C2CD2: variants seen among roughly 807,000 people sequenced by gnomAD.
C2CD2 encodes the protein C2 domain-containing protein 2.
Under a neutral mutation model 74.3 loss-of-function variants are expected in C2CD2, and 43 were observed. The observed-to-expected ratio is 0.58, with a 90% CI of 0.45 to 0.75. The LOEUF (loss-of-function observed/expected upper bound fraction) is 0.75, where lower values mean the gene tolerates loss of function less well. Among genes scored for constraint, C2CD2 ranks in the 30% least tolerant of loss-of-function variants. The pLI, the probability that C2CD2 is intolerant of heterozygous loss-of-function variation, is 0.00. For synonymous variants in C2CD2, 422 were observed against 390.7 expected, an observed-to-expected ratio of 1.08 and a Z score of -0.94; for missense variants, 801 against 916.3, an observed-to-expected ratio of 0.87 and a Z score of 1.63.
chr21:41,919,119 CGCATGTGTGCATATGA>C, intron 3 of C2CD2, 159 bp from the exon 4 acceptor site: 1 of 632,308 alleles, frequency 1.6e-6, no homozygotes, highest in Non-Finnish European at 2.8e-6. Context: ...TGCGTGTATG[CGCATGTGTGCATATGA>C]GCATGTGTGC....
At chr21:41,911,332 T>C (rs2065023091) in intron 7 of C2CD2, among the ~76,000 whole-genome samples, 1 of 152,130 alleles carries the variant, frequency 6.6e-6, no homozygotes, top group Admixed American at 6.5e-5. Context: ...TAATATTTTA[T>C]TTATGATTCT....
At chr21:41,940,624 T>C (rs971144306) in intron 2 of C2CD2, among the ~76,000 whole-genome samples, 2 of 152,230 alleles carry the variant, frequency 1.3e-5, no homozygotes, top group African/African-American at 4.8e-5. Flanking sequence ...AGCCCAACTT[T>C]ACAAGAACAG....
chr21:41,889,464 ACTT>A, intron 13 of C2CD2, 120 bp from the exon 14 acceptor site: 1 of 680,482 alleles, frequency 1.5e-6, no homozygotes, highest in South Asian at 1.7e-5. Flanking sequence ...CCAGTTTACT[ACTT>A]CAATATGCTG....
At chr21:41,946,072 G>A (rs1292749359) in intron 1 of C2CD2, among the ~76,000 whole-genome samples, 4 of 152,146 alleles carry the variant, frequency 2.6e-5, no homozygotes, top group East Asian at 1.9e-4. Context: ...TCTGTCTTGC[G>A]GGAGAGTTCC....
Position 41,921,973 on chromosome 21 carries a change from T to C in C2CD2, c.491A>G (p.Gln164Arg), listed in dbSNP as rs779972855. The change falls in exon 3 of 14, where the codon CAG becomes CGG. Residue 164 changes from glutamine (Q) to arginine (R), a missense_variant and splice_region_variant. By Grantham distance (43) the Gln-to-Arg change is conservative. Transcript: ENST00000380486. ...YDMRLSPFHLQLEFHMKEKRE... is the reference protein window; with the variant it reads ...YDMRLSPFHLRLEFHMKEKRE... ...CTTGCAAAGTCTACACATCTTTACC[T>C]GTAAATGGAAAGGGGAGAGCCGCAT... The C allele has an allele frequency of 6.2e-7, 1 of 1,602,854 alleles. No homozygotes were observed. The highest frequency in any genetic ancestry group is 8.5e-7 in the Non-Finnish European group (1 of 1,169,854).
chr21:41,894,736 A>G (rs1320333817), intron 13 of C2CD2: 5 of 456,680 alleles, frequency 1.1e-5, no homozygotes, highest in African/African-American at 1.0e-4. Context: ...CCCTTTCTCA[A>G]TAGCAATGGG....
chr21:41,946,924 G>A (rs2065402336), intron 1 of C2CD2, among the ~76,000 whole-genome samples: 2 of 152,110 alleles, frequency 1.3e-5, no homozygotes, highest in South Asian at 4.1e-4. Context: ...AAGAAAGACT[G>A]AGAAACCCTG....
chr21:41,922,147 G>A (rs1000373769), intron 2 of C2CD2, 62 bp from the exon 3 acceptor site: 16 of 922,288 alleles, frequency 1.7e-5, no homozygotes, highest in East Asian at 4.9e-5. Context: ...GCGTGCATAC[G>A]CATCTTCTTC....
intron 7 of C2CD2, among the ~76,000 whole-genome samples, chr21:41,910,530 C>T (rs548300175): frequency 3.7e-4 from 56 of 152,198 alleles, no homozygotes; most frequent in Middle Eastern, 3.4e-3. Context: ...GAAAGATGAC[C>T]TCTCCCTTTT....
At position 41,895,976 on chromosome 21, in the gene C2CD2, C is replaced by T. The variant is rs2839414; in HGVS notation, c.1870+3077G>A. On this transcript the variant is annotated intron_variant, in intron 13 of 13. Coordinates refer to ENST00000380486, the MANE Select transcript of C2CD2 (RefSeq NM_015500.2). This position sits in a 1 kb window ranked among gnomAD's most constrained non-coding sequence, Gnocchi z 5.0. ...CAGCTTCTTCCTGTGGGTGTCACAG[C>T]GAGGTCGCCTGGCCACATCAGGTAC... Among the ~76,000 whole-genome samples, 20,935 of 152,226 alleles carry T rather than the reference C, an allele frequency of 0.14. 1,826 individuals are homozygous for T. The highest frequency in any genetic ancestry group is 0.25 in the East Asian group (1,283 of 5,182).
At chr21:41,909,573 C>A (rs2065003192) in intron 7 of C2CD2, 50 bp from the exon 8 acceptor site, 1 of 1,206,438 alleles carries the variant, frequency 8.3e-7, no homozygotes, top group East Asian at 2.3e-5. Flanking sequence ...ATGCTTGATT[C>A]TTTTTATGAA....
intron 2 of C2CD2, among the ~76,000 whole-genome samples, chr21:41,931,501 C>T (rs1310762175): frequency 1.4e-5 from 2 of 147,448 alleles, no homozygotes. Flanking sequence ...CGGCTCACTG[C>T]AACCTCTGCT....
At position 41,918,164 on chromosome 21, in the gene C2CD2, C is replaced by A. The variant is rs755232467; in HGVS notation, c.661G>T (p.Gly221Cys). Residue 221 changes from glycine to cysteine, a missense_variant, in exon 5 of 14, where the codon GGT becomes TGT. By Grantham distance (159) the Gly-to-Cys change is radical. Transcript: ENST00000380486. ...VLKDILKHLA[G>C]SASPSVVLIT... ...AGAACCACTGATGGAGAGGCAGAAC[C>A]AGCCAAATGCTTCAAGATGTCCTTG... 1.2e-6 allele frequency: 2 copies of A among 1,614,140 alleles called. No homozygotes were observed. The highest frequency in any genetic ancestry group is 1.7e-6 in the Non-Finnish European group (2 of 1,179,984).
In C2CD2 at chr21:41,899,234, G is replaced by A. The variant is rs116743178; in HGVS notation, c.1689C>T (p.Ala563=). ...GGGCAAGGGATGCCTGGGCTGACTC[G>A]GCTTCCTCTGGCGGGGCAGAGGCTG... ...RAAASAPPEE[A]ESAQASLAPK... The change falls in exon 13 of 14, where the codon GCC becomes GCT. Residue 563 remains alanine (A), a synonymous_variant. Transcript: ENST00000380486. The surrounding 1 kb of genome is among the most constrained non-coding windows in gnomAD (Gnocchi z 4.4). The A allele has an allele frequency of 1.4e-3, 2,203 of 1,612,296 alleles. 28 individuals carry two copies. The African/African-American group carries it at 0.023, about 17-fold the overall frequency.
Position 41,895,001 on chromosome 21 carries a change from T to G in C2CD2, c.1870+4052A>C, listed in dbSNP as rs985998203. On this transcript the variant is annotated intron_variant, in intron 13 of 13. Coordinates refer to ENST00000380486, the MANE Select transcript of C2CD2 (RefSeq NM_015500.2). The surrounding 1 kb of genome is among the most constrained non-coding windows in gnomAD (Gnocchi z 5.0). ...TCAACCTGGCTGCAGCACCCGGAGA[T>G]TCAACAGAACACGCACTGAGGTGCG... 4.8e-5 allele frequency: 22 copies of G among 455,784 alleles called. No homozygotes were observed. Among genetic ancestry groups the G allele is most frequent in the African/African-American group, 4.2e-4 (21 of 50,020 alleles). The allele number at this position is 455,784 out of a possible 1,614,324, so 28.2% of individuals were successfully genotyped here.
intron 13 of C2CD2, among the ~76,000 whole-genome samples, chr21:41,896,098 G>T (rs575146586): frequency 1.3e-5 from 2 of 152,316 alleles, no homozygotes; most frequent in Admixed American, 1.3e-4. Flanking sequence ...GGGTAAAGGC[G>T]GAGTTGGGAG....
rs868610103 is a variant in C2CD2 at position 41,919,047 on chromosome 21, T to C, written c.493-87A>G. On this transcript the variant is annotated intron_variant, in intron 3 of 13. Coordinates refer to ENST00000380486, the MANE Select transcript of C2CD2 (RefSeq NM_015500.2). ...GTGTGCATGTGACTGTGTGAGCATGTGTGTGTGCATATATGCATGTGAGCA... is the reference window on the plus strand; with the variant it reads ...GTGTGCATGTGACTGTGTGAGCATGCGTGTGTGCATATATGCATGTGAGCA... 3.9e-4 allele frequency: 288 copies of C among 742,946 alleles called. 8 individuals carry two copies. The Middle Eastern group carries it at 0.012, about 31-fold the overall frequency. The allele number at this position is 742,946 out of a possible 1,614,324, so 46.0% of individuals were successfully genotyped here.
intron 4 of C2CD2, among the ~76,000 whole-genome samples, chr21:41,918,560 A>G (rs2065119043): frequency 6.6e-6 from 1 of 152,034 alleles, no homozygotes; most frequent in African/African-American, 2.4e-5. Context: ...TTAAACCTGC[A>G]TCTTGGGTGG....
At chr21:41,921,909 C>A in intron 3 of C2CD2, 63 bp downstream of exon 3, 1 of 977,456 alleles carries the variant, frequency 1.0e-6, no homozygotes, top group South Asian at 1.3e-5. Flanking sequence ...ACACCATGCT[C>A]ACTCTTCACA....
Sources: gnomAD v4.1 joint callset for allele counts (sites outside exome capture counted in the v4.1 genomes callset) on GRCh38, gnomAD v4.1.1 for gene constraint, Gnocchi (gnomAD v3.1) non-coding constraint, MANE v1.5 for transcripts, NCBI Gene and HGNC (gene_info 2026-07-23, HGNC 2026-07-21) for gene names.